Variants in WDR47 observed in about 807,000 individuals in gnomAD.
WDR47 encodes WD repeat-containing protein 47.
WDR47 carries 32 observed loss-of-function variants against 97.2 expected under a neutral mutation model. That is an observed-to-expected ratio of 0.33 (90% CI 0.25 to 0.44). The LOEUF (loss-of-function observed/expected upper bound fraction) is 0.44. Ranked by LOEUF, WDR47 falls within the 20% of genes least tolerant of loss-of-function variation. WDR47 has a pLI of 1.00. For missense variants in WDR47, 782 were observed against 1,102.3 expected (o/e 0.71, Z 4.11); for synonymous variants, 375 against 373.5 (o/e 1.00, Z -0.05).
At chr1:109,036,947 A>G (rs1399087748) in intron 1 of WDR47, among the ~76,000 whole-genome samples, 1 of 152,232 alleles carries the variant, frequency 6.6e-6, no homozygotes. Flanking sequence ...TACAATGAAT[A>G]CACCTAAAAT....
rs1657425039 is a variant in WDR47, at chr1:108,971,162, G to A, written c.*268C>T. ...CACATTGTCCATCCTGACTTGGAGTGCACACCAACAACTGAAGAGCTCTTC... is the reference window on the plus strand; with the variant it reads ...CACATTGTCCATCCTGACTTGGAGTACACACCAACAACTGAAGAGCTCTTC... On this transcript the variant is annotated 3_prime_UTR_variant, in exon 15 of 15. Coordinates refer to ENST00000369962, the MANE Select transcript of WDR47 (RefSeq NM_001142551.2). The A allele has an allele frequency of 2.6e-6, 1 of 387,464 alleles. No homozygotes were observed. Among genetic ancestry groups the A allele is most frequent in the Non-Finnish European group, 4.7e-6 (1 of 214,106 alleles). The allele number at this position is 387,464 out of a possible 1,614,324, so 24.0% of individuals were successfully genotyped here.
At chr1:109,004,536 T>C in intron 6 of WDR47, 56 bp downstream of exon 6, 1 of 1,523,236 alleles carries the variant, frequency 6.6e-7, no homozygotes, top group Non-Finnish European at 8.8e-7. Context: ...AAGTAAATTC[T>C]ATTACTTCTT....
intron 7 of WDR47, among the ~76,000 whole-genome samples, chr1:108,998,381 T>C (rs997411090): frequency 6.6e-6 from 1 of 151,986 alleles, no homozygotes; most frequent in African/African-American, 2.4e-5. Context: ...TGGACACTTG[T>C]GGTCCCCGCT....
intron 9 of WDR47, among the ~76,000 whole-genome samples, chr1:108,987,791 T>G (rs1658954148): frequency 6.6e-6 from 1 of 152,014 alleles, no homozygotes; most frequent in African/African-American, 2.4e-5. Flanking sequence ...TTTAAATACA[T>G]ATGATTACAT....
At chr1:109,033,419 A>G (rs1662733666) in intron 1 of WDR47, among the ~76,000 whole-genome samples, 2 of 152,238 alleles carry the variant, frequency 1.3e-5, no homozygotes, top group African/African-American at 4.8e-5. Context: ...ACAATTCACA[A>G]AAGAACTATG....
At chr1:108,989,222 A>G (rs1659119461) in intron 9 of WDR47, among the ~76,000 whole-genome samples, 1 of 152,176 alleles carries the variant, frequency 6.6e-6, no homozygotes, top group Non-Finnish European at 1.5e-5. Flanking sequence ...GAACCTCTAC[A>G]CTAGGTATGG....
chr1:109,015,579 C>T (rs1360565239), intron 3 of WDR47, among the ~76,000 whole-genome samples: 7 of 151,906 alleles, frequency 4.6e-5, no homozygotes, highest in East Asian at 2.0e-4. Flanking sequence ...CCGCCTGCCT[C>T]GGCCTCCCAA....
chr1:109,014,437 C>CTT (rs938595484), intron 3 of WDR47, among the ~76,000 whole-genome samples: 1 of 142,760 alleles, frequency 7.0e-6, no homozygotes, highest in Admixed American at 7.1e-5. Context: ...TTTTCCTTTT[C>CTT]TTTTTTTTTT....
In WDR47 at chr1:108,992,366, A is replaced by G. The variant is rs112854545; in HGVS notation, c.1692-1037T>C. 10,380 of 1,311,974 alleles carry G rather than the reference A, an allele frequency of 7.9e-3. 587 individuals carry two copies. In the African/African-American group the frequency reaches 0.13, roughly 16 times the overall value. 81.3% of individuals were successfully genotyped at this position (1,311,974 alleles called of 1,614,324 possible). A position where few individuals can be genotyped will look rare whatever the true frequency, so the allele number is the denominator to read the frequency against. ...CAATCTTCGTGTTCACTTTAAGAAC[A>G]CTCGTGAAACTGCTCAGGCCATCAA... On this transcript the variant is annotated intron_variant, in intron 8 of 14. Coordinates refer to ENST00000369962, the MANE Select transcript of WDR47 (RefSeq NM_001142551.2).
intron 1 of WDR47, among the ~76,000 whole-genome samples, chr1:109,025,157 C>G (rs962076364): frequency 2.6e-5 from 4 of 151,608 alleles, no homozygotes; most frequent in African/African-American, 4.8e-5. Context: ...CAGCTAGAGG[C>G]CTGGGCATGG....
At chr1:109,006,765 T>G (rs1029199341) in intron 5 of WDR47, among the ~76,000 whole-genome samples, 2 of 152,154 alleles carry the variant, frequency 1.3e-5, no homozygotes, top group Non-Finnish European at 2.9e-5. Flanking sequence ...AATACATGCA[T>G]TTCAAGCTTA....
At position 109,002,315 on chromosome 1, in the gene WDR47, G is replaced by C. The variant is rs1186819318; in HGVS notation, c.1342C>G (p.Gln448Glu). The C allele has an allele frequency of 6.2e-7, 1 of 1,613,232 alleles. No individual in the cohort carries two copies. Among genetic ancestry groups the C allele is most frequent in the Non-Finnish European group, 8.5e-7 (1 of 1,179,908 alleles). The change falls in exon 7 of 15, where the codon CAG becomes GAG. Residue 448 changes from glutamine to glutamate, a missense_variant. Coordinates refer to ENST00000369962, the MANE Select transcript of WDR47 (RefSeq NM_001142551.2). Reference protein sequence around the residue: ...QHLEQKEQQRQIYQQMLLEGG... With the variant: ...QHLEQKEQQREIYQQMLLEGG... ...TCAAGCAACATCTGTTGGTATATCT[G>C]CCGCTGTTGCTCCTTCTGTTCTAAA... is the stretch of plus-strand genomic sequence containing the variant.
chr1:109,008,857 C>A (rs1411205528), intron 5 of WDR47, among the ~76,000 whole-genome samples: 1 of 152,152 alleles, frequency 6.6e-6, no homozygotes, highest in Non-Finnish European at 1.5e-5. Context: ...ATCCACCCAC[C>A]TCGGCCTCCC....
intron 9 of WDR47, among the ~76,000 whole-genome samples, 199 bp downstream of exon 9, chr1:108,991,055 G>A (rs1016564643): frequency 2.0e-5 from 3 of 151,090 alleles, no homozygotes; most frequent in Admixed American, 6.6e-5. Context: ...TTGGAGTGGT[G>A]CAACGGCTAT....
At chr1:108,972,910 C>T (rs538655885) in intron 14 of WDR47, among the ~76,000 whole-genome samples, 232 of 150,284 alleles carry the variant, frequency 1.5e-3, no homozygotes, top group African/African-American at 5.6e-3. Context: ...TGCACCACTG[C>T]GCTCCAGCCT....
intron 1 of WDR47, among the ~76,000 whole-genome samples, chr1:109,031,021 T>C (rs1437970473): frequency 1.4e-5 from 2 of 140,036 alleles, no homozygotes; most frequent in Admixed American, 7.7e-5. Flanking sequence ...AAAGTACATA[T>C]TCTTGGGAAA....
At chr1:109,028,463 C>T (rs756514765) in intron 1 of WDR47, among the ~76,000 whole-genome samples, 1 of 151,004 alleles carries the variant, frequency 6.6e-6, no homozygotes, top group East Asian at 1.9e-4. Flanking sequence ...CCACCCGCCT[C>T]GACCTCCAAA....
intron 9 of WDR47, among the ~76,000 whole-genome samples, chr1:108,990,140 T>C (rs185983989): frequency 5.8e-4 from 88 of 152,038 alleles, no homozygotes; most frequent in African/African-American, 1.8e-3. Context: ...GGTGGGAGGA[T>C]TGCTTGAGCC....
At chr1:109,034,422 G>T (rs1175290285) in intron 1 of WDR47, among the ~76,000 whole-genome samples, 1 of 152,176 alleles carries the variant, frequency 6.6e-6, no homozygotes, top group African/African-American at 2.4e-5. Context: ...AAACTGAACT[G>T]TCCTTAATAG....
Sources: gnomAD v4.1 joint callset for allele counts (sites outside exome capture counted in the v4.1 genomes callset) on GRCh38, gnomAD v4.1.1 for gene constraint, MANE v1.5 for transcripts, NCBI Gene and HGNC (gene_info 2026-07-23, HGNC 2026-07-21) for gene names.